Variants in RIC3 observed in about 807,000 individuals in gnomAD.
RIC3 encodes RIC3 acetylcholine receptor chaperone.
RIC3 carries 28 observed loss-of-function variants against 27.3 expected under a neutral mutation model. The observed-to-expected ratio is 1.02, with a 90% CI of 0.76 to 1.41. The LOEUF is 1.41. Among genes scored for constraint, RIC3 ranks in the 40% most tolerant of loss-of-function variants. The pLI is 0.00. For missense variants in RIC3, 501 were observed against 444.7 expected, an observed-to-expected ratio of 1.13 and a Z score of -1.14; for synonymous variants, 184 against 160.4, an observed-to-expected ratio of 1.15 and a Z score of -1.11.
intron 5 of RIC3, among the ~76,000 whole-genome samples, chr11:8,117,536 A>G: frequency 6.6e-6 from 1 of 152,268 alleles, no homozygotes; most frequent in East Asian, 1.9e-4. Flanking sequence ...GGTGGTTATC[A>G]GAAGCTAGGG....
chr11:8,095,692 C>CCCCATGGGGG, the RIC3 span: 1 of 1,562,464 alleles, frequency 6.4e-7, no homozygotes, highest in African/African-American at 1.4e-5. Flanking sequence ...CCCAGTGATA[C>CCCCATGGGGG]CCCCAAAACT....
At chr11:8,098,393 C>T in the RIC3 span, among the ~76,000 whole-genome samples, 3 of 152,122 alleles carry the variant, frequency 2.0e-5, no homozygotes, top group African/African-American at 7.2e-5. Context: ...CAGAGGAGAT[C>T]TCATCCTCTC....
rs556598326 is a variant in RIC3 at position 8,110,923 on chromosome 11, C to T, written c.885G>A (p.Ser295=). Residue 295 remains serine (S), a synonymous_variant, in exon 6 of 6, where the codon TCG becomes TCA. Transcript: ENST00000309737. ...PRAQEDNSVT[S]CDPKPETCSC... Reference sequence around the variant, plus strand: ...AACATGTTTCTGGCTTTGGATCACACGAGGTAACAGAATTATCTTCCTGGG... The same window carrying T: ...AACATGTTTCTGGCTTTGGATCACATGAGGTAACAGAATTATCTTCCTGGG... 6.9e-5 allele frequency: 111 copies of T among 1,614,170 alleles called. 1 individual carries two copies. In the Admixed American group the frequency reaches 1.2e-3, roughly 18 times the overall value.
chr11:8,131,505 T>C (rs1472426443), intron 4 of RIC3, among the ~76,000 whole-genome samples: 1 of 152,314 alleles, frequency 6.6e-6, no homozygotes, highest in South Asian at 2.1e-4. Context: ...TAGGTATCTA[T>C]GAGATATGTC....
rs544607971 is a variant in RIC3 at position 8,126,594 on chromosome 11, T to A, written c.670+65A>T. On this transcript the variant is annotated intron_variant, in intron 5 of 5. Transcript: ENST00000309737. ...TACCTCAATAATGAAGCTGATTTTT[T>A]AAAAATCTGTAACATCTCTTTTCTG... is the stretch of plus-strand genomic sequence containing the variant. 93 of 1,581,514 alleles carry A rather than the reference T, an allele frequency of 5.9e-5. 1 individual carries two copies. Among genetic ancestry groups the A allele is most frequent in the East Asian group, 5.6e-4 (25 of 44,664 alleles).
At chr11:8,144,204 C>A (rs1310661989) in intron 1 of RIC3, among the ~76,000 whole-genome samples, 3 of 150,792 alleles carry the variant, frequency 2.0e-5, no homozygotes, top group African/African-American at 7.4e-5. Context: ...TAAAGAGCTT[C>A]TGCACAGCAA....
At chr11:8,147,458 A>G (rs990049351) in intron 1 of RIC3, among the ~76,000 whole-genome samples, 12 of 152,216 alleles carry the variant, frequency 7.9e-5, no homozygotes, top group Non-Finnish European at 4.4e-5. Context: ...AGAAAGAAAA[A>G]AAAAAGTGGG....
chr11:8,150,199 C>A (rs1950092375), intron 1 of RIC3, among the ~76,000 whole-genome samples: 1 of 152,172 alleles, frequency 6.6e-6, no homozygotes, highest in Admixed American at 6.5e-5. Flanking sequence ...TGGCTGGAGG[C>A]TACACTTCCC....
At chr11:8,143,563 T>C (rs1351388481) in intron 1 of RIC3, among the ~76,000 whole-genome samples, 1 of 152,010 alleles carries the variant, frequency 6.6e-6, no homozygotes, top group Non-Finnish European at 1.5e-5. Flanking sequence ...TCCATGCTCA[T>C]GGGTAGGAAG....
intron 1 of RIC3, among the ~76,000 whole-genome samples, chr11:8,159,344 C>G (rs1408113793): frequency 1.3e-5 from 2 of 152,108 alleles, no homozygotes; most frequent in Non-Finnish European, 2.9e-5. Flanking sequence ...CAAAGTGAGA[C>G]AGATAGAAAA....
chr11:8,154,406 A>T (rs568228048), intron 1 of RIC3, among the ~76,000 whole-genome samples: 4 of 152,212 alleles, frequency 2.6e-5, no homozygotes, highest in African/African-American at 9.6e-5. Context: ...TGACGGTTGC[A>T]CAACAGTGTG....
chr11:8,094,495 C>T, the RIC3 span, among the ~76,000 whole-genome samples: 1 of 152,206 alleles, frequency 6.6e-6, no homozygotes, highest in Admixed American at 6.5e-5. Context: ...TATCATGACC[C>T]CTCAAGGAGG....
chr11:8,141,812 G>A lies in RIC3; in HGVS notation c.125-1619C>T, dbSNP rs539253442. ...TCCTCAGCAAATGTAAAAGAACAGA[G>A]ATTATAACAAACTCTCTCAGACCAC... On this transcript the variant is annotated intron_variant, in intron 1 of 5. Coordinates refer to ENST00000309737, the MANE Select transcript of RIC3 (RefSeq NM_001206671.4). Among the ~76,000 whole-genome samples, 942 of 151,922 alleles carry A rather than the reference G, an allele frequency of 6.2e-3. 20 individuals are homozygous for A. The highest frequency in any genetic ancestry group is 0.051 in the Admixed American group (769 of 15,220).
chr11:8,100,641 C>G, the RIC3 span: 2 of 1,590,952 alleles, frequency 1.3e-6, no homozygotes, highest in Non-Finnish European at 8.6e-7. Context: ...CCCCATCATC[C>G]TAGTCTCTGC....
At chr11:8,149,622 A>G (rs917556087) in intron 1 of RIC3, among the ~76,000 whole-genome samples, 5 of 152,204 alleles carry the variant, frequency 3.3e-5, no homozygotes, top group Admixed American at 6.5e-5. Flanking sequence ...CTAGAGCTAT[A>G]AAAAGGAAAG....
At chr11:8,144,593 T>G (rs1348659931) in intron 1 of RIC3, among the ~76,000 whole-genome samples, 2 of 151,750 alleles carry the variant, frequency 1.3e-5, no homozygotes, top group Admixed American at 6.6e-5. Context: ...GACTGTAAAC[T>G]AGTTCAACCA....
the RIC3 span, chr11:8,096,622 T>A: frequency 1.8e-6 from 2 of 1,081,476 alleles, no homozygotes; most frequent in Non-Finnish European, 2.9e-6. Context: ...TGTGACCATG[T>A]GTATTTCAGG....
chr11:8,125,302 C>T (rs1590143085), intron 5 of RIC3, among the ~76,000 whole-genome samples: 1 of 150,742 alleles, frequency 6.6e-6, no homozygotes, highest in East Asian at 1.9e-4. Context: ...TTAAGTTGGA[C>T]TTCATCAAAA....
intron 5 of RIC3, among the ~76,000 whole-genome samples, chr11:8,119,373 G>C (rs868285528): frequency 6.6e-6 from 1 of 152,054 alleles, no homozygotes; most frequent in Non-Finnish European, 1.5e-5. Flanking sequence ...CAGAACAGAG[G>C]CCTCAGAAAT....
Sources: allele counts gnomAD v4.1 joint callset (sites outside exome capture counted in the v4.1 genomes callset), GRCh38; gene constraint gnomAD v4.1.1; transcripts MANE v1.5; gene names NCBI Gene and HGNC (gene_info 2026-07-23, HGNC 2026-07-21).